HP1BP3: variants seen among roughly 807,000 people sequenced by gnomAD.
The protein encoded by HP1BP3 is heterochromatin protein 1-binding protein 3.
A neutral mutation model predicts 62.5 loss-of-function variants in HP1BP3; 12 were observed. That is an observed-to-expected ratio of 0.19 (90% CI 0.12 to 0.31). The LOEUF is 0.31. Among genes scored for constraint, HP1BP3 ranks in the 10% least tolerant of loss-of-function variants. The pLI is 1.00. For synonymous variants in HP1BP3, 260 were observed against 237.8 expected, an observed-to-expected ratio of 1.09 and a Z score of -0.86; for missense variants, 502 against 651.8, an observed-to-expected ratio of 0.77 and a Z score of 2.50.
intron 11 of HP1BP3, 128 bp from the exon 12 acceptor site, chr1:20,745,784 T>TA: frequency 1.1e-6 from 1 of 870,012 alleles, no homozygotes; most frequent in Non-Finnish European, 1.7e-6. Flanking sequence ...CAAGCTAGGT[T>TA]ACACGTATCA....
chr1:20,756,998 C>T (rs1043039324), intron 9 of HP1BP3, among the ~76,000 whole-genome samples, 168 bp downstream of exon 9: 4 of 152,184 alleles, frequency 2.6e-5, no homozygotes, highest in African/African-American at 7.2e-5. Context: ...GTGTGAGCCA[C>T]CGCACCCAGA....
At chr1:20,776,148 T>C (rs1420843337) in intron 4 of HP1BP3, 3 of 736,342 alleles carry the variant, frequency 4.1e-6, no homozygotes, top group Middle Eastern at 4.1e-4. Context: ...ATATAGACTT[T>C]TAGGTCACAC....
In HP1BP3 at chr1:20,741,986, G is replaced by A. The variant is rs892444675; in HGVS notation, c.*2811C>T. Among the ~76,000 whole-genome samples, 1 of 152,246 alleles carries A rather than the reference G, an allele frequency of 6.6e-6. No homozygotes were observed. Among genetic ancestry groups the A allele is most frequent in the Non-Finnish European group, 1.5e-5 (1 of 68,042 alleles). ...GACAGTTGTGGATGTTCGTGGAAGA[G>A]TGCGATGACCTTCCTGTCTTTTCCC... On this transcript the variant is annotated 3_prime_UTR_variant, in exon 13 of 13. Transcript: ENST00000438032.
chr1:20,775,896 A>G (rs1334726194), intron 4 of HP1BP3: 2 of 1,425,516 alleles, frequency 1.4e-6, no homozygotes, highest in Non-Finnish European at 1.9e-6. Context: ...CTAAAGATGT[A>G]TCTCTCAGAA....
rs1235800705 is a variant in HP1BP3, at chr1:20,749,341, A to AT, written c.1141+381dup. On this transcript the variant is annotated intron_variant, in intron 10 of 12. Transcript: ENST00000438032. ...TGACATTAATAGCATGATCTCTATG[A>AT]TTTTTTTTTCTTTTCTTTTCTTTTC... Among the ~76,000 whole-genome samples the AT allele has an allele frequency of 1.3e-4, 19 of 145,512 alleles. No homozygotes were observed. In the South Asian group the frequency reaches 3.5e-3, roughly 27 times the overall value.
chr1:20,768,107 C>T (rs2056874042), intron 6 of HP1BP3, among the ~76,000 whole-genome samples: 2 of 152,178 alleles, frequency 1.3e-5, no homozygotes, highest in African/African-American at 4.8e-5. Context: ...CACGTAACTT[C>T]CCACAGTTTA....
chr1:20,755,901 T>C (rs1451731735), intron 9 of HP1BP3, among the ~76,000 whole-genome samples: 1 of 152,136 alleles, frequency 6.6e-6, no homozygotes, highest in East Asian at 1.9e-4. Flanking sequence ...GATCATATAG[T>C]ACATGATTCT....
chr1:20,758,900 G>C (rs537419157), intron 8 of HP1BP3, among the ~76,000 whole-genome samples: 6 of 151,660 alleles, frequency 4.0e-5, no homozygotes, highest in Non-Finnish European at 8.8e-5. Context: ...CGATCCTCCC[G>C]CTTCGGCCTC....
chr1:20,755,423 TTAATCA>T, intron 9 of HP1BP3: 1 of 450,624 alleles, frequency 2.2e-6, no homozygotes, highest in South Asian at 1.6e-5. Context: ...AATACAAAAA[TTAATCA>T]GGCATGGTGG....
chr1:20,752,129 G>A (rs2055800802), intron 9 of HP1BP3, among the ~76,000 whole-genome samples: 1 of 151,678 alleles, frequency 6.6e-6, no homozygotes, highest in Admixed American at 6.6e-5. Context: ...GCATGGTGGT[G>A]CATGCCTGTA....
intron 8 of HP1BP3, among the ~76,000 whole-genome samples, chr1:20,760,713 G>A (rs1037198693): frequency 1.3e-5 from 2 of 152,100 alleles, no homozygotes; most frequent in Non-Finnish European, 2.9e-5. Context: ...GGCACAGCCT[G>A]TAATCCCAGC....
intron 7 of HP1BP3, among the ~76,000 whole-genome samples, chr1:20,766,306 A>C (rs537805410): frequency 6.6e-5 from 10 of 152,316 alleles, no homozygotes; most frequent in South Asian, 4.1e-4. Flanking sequence ...CACACACACA[A>C]AAAACACACA....
intron 1 of HP1BP3, among the ~76,000 whole-genome samples, chr1:20,782,835 G>T (rs1335229127): frequency 6.8e-6 from 1 of 147,424 alleles, no homozygotes; most frequent in Non-Finnish European, 1.5e-5. Context: ...GGGAGGCGGA[G>T]ATTGCAGTGA....
chr1:20,770,532 C>A (rs1400321973), intron 6 of HP1BP3, among the ~76,000 whole-genome samples: 1 of 152,088 alleles, frequency 6.6e-6, no homozygotes, highest in South Asian at 2.1e-4. Context: ...CCAGGCTGGT[C>A]TCGAACTCCT....
intron 3 of HP1BP3, among the ~76,000 whole-genome samples, chr1:20,778,649 G>A (rs12735393): frequency 0.03 from 4,254 of 142,006 alleles, 92 homozygotes; most frequent in Middle Eastern, 0.048. Flanking sequence ...ACTGCCTTAG[G>A]CCAGGGTGCC....
chr1:20,760,532 C>G (rs930611382), intron 8 of HP1BP3, among the ~76,000 whole-genome samples: 1 of 150,550 alleles, frequency 6.6e-6, no homozygotes, highest in Admixed American at 6.6e-5. Context: ...CAGAGCAAGA[C>G]CCCAGCTTGG....
At chr1:20,772,644 C>A (rs1029953035) in intron 5 of HP1BP3, among the ~76,000 whole-genome samples, 2 of 152,026 alleles carry the variant, frequency 1.3e-5, no homozygotes, top group African/African-American at 2.4e-5. Flanking sequence ...CACATCCCCC[C>A]TTTTCTGGTT....
chr1:20,772,794 C>A (rs935403266), intron 5 of HP1BP3, among the ~76,000 whole-genome samples: 12 of 152,062 alleles, frequency 7.9e-5, no homozygotes, highest in African/African-American at 2.7e-4. Flanking sequence ...AAGACTTATA[C>A]AATAAAGGCA....
In HP1BP3 at chr1:20,744,791, T is replaced by C. The variant is rs764090149; in HGVS notation, c.*6A>G. 4.4e-6 allele frequency: 7 copies of C among 1,590,550 alleles called. No individual in the cohort carries two copies. The highest frequency in any genetic ancestry group is 1.1e-5 in the South Asian group (1 of 86,996). On this transcript the variant is annotated 3_prime_UTR_variant, in exon 13 of 13. Transcript: ENST00000438032. ...TTCATCATGATACCCTTTTTTCCTA[T>C]AAAATTTACTTTTTCACTCTGAAAG...
Sources: allele counts gnomAD v4.1 joint callset (sites outside exome capture counted in the v4.1 genomes callset), GRCh38; gene constraint gnomAD v4.1.1; transcripts MANE v1.5; gene names NCBI Gene and HGNC (gene_info 2026-07-23, HGNC 2026-07-21).